Variants in POLH observed in about 807,000 individuals in gnomAD.
POLH encodes the protein DNA polymerase eta transcript.
POLH carries 53 observed loss-of-function variants against 73.6 expected under a neutral mutation model. That is an observed-to-expected ratio of 0.72 (90% CI 0.58 to 0.91). The LOEUF is 0.91. POLH is among the 40% of genes least tolerant of loss of function. The probability of loss-of-function intolerance (pLI) is 0.00; values close to 1 mark genes in which losing one functional copy is unlikely to be tolerated. For missense variants in POLH, 768 were observed against 865.4 expected, an observed-to-expected ratio of 0.89 and a Z score of 1.41; for synonymous variants, 292 against 308.5, an observed-to-expected ratio of 0.95 and a Z score of 0.56.
At chr6:43,578,412 C>T (rs1182030148) in intron 1 of POLH, 3 of 438,912 alleles carry the variant, frequency 6.8e-6, no homozygotes, top group Admixed American at 5.2e-5. Context: ...CAACAAAAAA[C>T]TCATGCCCAG....
At chr6:43,584,337 C>T (rs2127775246) in intron 3 of POLH, among the ~76,000 whole-genome samples, 1 of 152,240 alleles carries the variant, frequency 6.6e-6, no homozygotes, top group East Asian at 1.9e-4. Context: ...GGTAGAGTGG[C>T]ATACAGACCC....
In POLH at chr6:43,604,685, A is replaced by G. The variant is rs1377543277; in HGVS notation, c.955A>G (p.Ile319Val). The G allele has an allele frequency of 1.2e-6, 2 of 1,614,126 alleles. No homozygotes were observed. The highest frequency in any genetic ancestry group is 8.5e-7 in the Non-Finnish European group (1 of 1,179,964). ...TAAACCCAGGCAACTACCCAAAACC[A>G]TTGGCTGTAGTAAGAACTTCCCAGG... ...PVKPRQLPKT[I>V]GCSKNFPGKT... Residue 319 changes from isoleucine (I) to valine (V), a missense_variant, in exon 8 of 11, where the codon ATT becomes GTT. Ile to Val is a conservative substitution (Grantham distance 29). Transcript: ENST00000372236.
Position 43,610,619 on chromosome 6 carries a change from C to T in POLH, c.1140C>T (p.Ser380=), listed in dbSNP as rs764722506. The part of the protein sequence containing the change: ...IRVQGDKRLS[S]LRRCCALTRY... Reference sequence around the variant, plus strand: ...TACAAGGAGACAAACGCCTCAGCAGCCTGCGCCGCTGCTGTGCCCTTACCC... The same window carrying T: ...TACAAGGAGACAAACGCCTCAGCAGTCTGCGCCGCTGCTGTGCCCTTACCC... The change falls in exon 10 of 11, where the codon AGC becomes AGT. Residue 380 remains serine, a synonymous_variant. Transcript: ENST00000372236. 17 of 1,613,828 alleles carry T rather than the reference C, an allele frequency of 1.1e-5. No individual in the cohort carries two copies. The African/African-American group carries it at 1.7e-4, about 16-fold the overall frequency.
chr6:43,579,438 G>A (rs1460819496), intron 1 of POLH, among the ~76,000 whole-genome samples: 2 of 152,200 alleles, frequency 1.3e-5, no homozygotes, highest in Admixed American at 6.5e-5. Flanking sequence ...AGGCCCAAGA[G>A]GAGAGGGTTC....
Position 43,587,359 on chromosome 6 carries a change from T to C in POLH, c.360T>C (p.Asp120=), listed in dbSNP as rs1238339993. Residue 120 remains aspartate, a synonymous_variant, in exon 4 of 11, where the codon GAT becomes GAC. Transcript: ENST00000372236. ...ERASIDEAYV[D]LTSAVQERLQ... ...CCAGCATTGATGAGGCTTACGTAGATCTGACCAGTGCTGTACAAGAGAGAC... is the reference window on the plus strand; with the variant it reads ...CCAGCATTGATGAGGCTTACGTAGACCTGACCAGTGCTGTACAAGAGAGAC... The C allele has an allele frequency of 6.2e-7, 1 of 1,613,966 alleles. No individual in the cohort carries two copies. The highest frequency in any genetic ancestry group is 8.5e-7 in the Non-Finnish European group (1 of 1,179,896).
At chr6:43,600,784 T>C (rs1239487782) in intron 5 of POLH, among the ~76,000 whole-genome samples, 3 of 152,188 alleles carry the variant, frequency 2.0e-5, no homozygotes, top group African/African-American at 4.8e-5. Flanking sequence ...GATAATGATA[T>C]TGCGTCATGT....
At position 43,597,821 on chromosome 6, in the gene POLH, A is replaced by G. The variant is rs759369209; in HGVS notation, c.616A>G (p.Arg206Gly). 24 of 1,613,882 alleles carry G rather than the reference A, an allele frequency of 1.5e-5. No homozygotes were observed. The Admixed American group carries it at 3.0e-4, about 20-fold the overall frequency. The stretch of plus-strand genomic sequence containing the variant: ...GGAGGAAATGAGAGCAGCCATAGAG[A>G]GGGAGACTGGTTTTCAGTGTTCAGC... ...IVEEMRAAIE[R>G]ETGFQCSAGI... The change falls in exon 5 of 11, where the codon AGG becomes GGG. Residue 206 changes from arginine to glycine, a missense_variant. Arg to Gly is a moderately radical substitution (Grantham distance 125). Coordinates refer to ENST00000372236, the MANE Select transcript of POLH (RefSeq NM_006502.3).
At chr6:43,582,042 T>C (rs961694376) in intron 1 of POLH, among the ~76,000 whole-genome samples, 1 of 152,232 alleles carries the variant, frequency 6.6e-6, no homozygotes. Context: ...TAGAGCATTG[T>C]AGGTTTAGGA....
chr6:43,604,090 A>G (rs933883820), intron 7 of POLH, 79 bp downstream of exon 7: 1 of 1,124,458 alleles, frequency 8.9e-7, no homozygotes, highest in African/African-American at 1.5e-5. Context: ...ATCTAGTAAA[A>G]TCCAGACCTA....
At chr6:43,589,620 A>G (rs1171867352) in intron 4 of POLH, among the ~76,000 whole-genome samples, 2 of 150,846 alleles carry the variant, frequency 1.3e-5, no homozygotes, top group African/African-American at 2.4e-5. Flanking sequence ...ATCCTATCCT[A>G]ATTATTAGTT....
intron 3 of POLH, 39 bp downstream of exon 3, chr6:43,583,180 C>T (rs141572445): frequency 1.9e-6 from 3 of 1,580,228 alleles, no homozygotes; most frequent in Non-Finnish European, 1.7e-6. Flanking sequence ...ATAAAGGAGT[C>T]GAAAATAATA....
chr6:43,605,404 CAG>C, intron 9 of POLH, 85 bp downstream of exon 9: 1 of 639,522 alleles, frequency 1.6e-6, no homozygotes, highest in Non-Finnish European at 2.9e-6. Context: ...GGAACAAAGA[CAG>C]AAAAAAGTAT....
intron 5 of POLH, among the ~76,000 whole-genome samples, chr6:43,599,331 C>G (rs963241051): frequency 2.0e-5 from 3 of 152,076 alleles, no homozygotes; most frequent in Non-Finnish European, 4.4e-5. Flanking sequence ...GTGGAATTGC[C>G]TGGGTATTTT....
rs761707571 is a variant in POLH, at chr6:43,587,488, A to G, written c.489A>G (p.Lys163=). Reference sequence around the variant, plus strand: ...CAACGGCAGAAGAGACTGTTCAGAAAGGTACTTCCATAGCATCATACTGCT... The same window carrying G: ...CAACGGCAGAAGAGACTGTTCAGAAGGGTACTTCCATAGCATCATACTGCT... ...GPTTAEETVQ[K]EGMRKQGLFQ... is the part of the protein sequence containing the mutation. The change falls in exon 4 of 11, where the codon AAA becomes AAG. Residue 163 remains lysine, a splice_region_variant and synonymous_variant. Transcript: ENST00000372236. 2 of 1,606,444 alleles carry G rather than the reference A, an allele frequency of 1.2e-6. No individual in the cohort carries two copies. Among genetic ancestry groups the G allele is most frequent in the South Asian group, 1.1e-5 (1 of 90,950 alleles).
Position 43,614,714 on chromosome 6 carries a change from C to T in POLH, c.*157C>T, listed in dbSNP as rs1473835397. 1.9e-5 allele frequency: 12 copies of T among 647,818 alleles called. No homozygotes were observed. Among genetic ancestry groups the T allele is most frequent in the Non-Finnish European group, 3.1e-5 (12 of 385,514 alleles). The allele number at this position is 647,818 out of a possible 1,614,324, so 40.1% of individuals were successfully genotyped here. On this transcript the variant is annotated 3_prime_UTR_variant, in exon 11 of 11. Coordinates refer to ENST00000372236, the MANE Select transcript of POLH (RefSeq NM_006502.3). The stretch of plus-strand genomic sequence containing the variant: ...TAGGTGCTGAGTTACGGTCCCATCT[C>T]TTCACAGGCATGGATTCTAATCCCA...
chr6:43,577,071 C>T (rs112182775), intron 1 of POLH, among the ~76,000 whole-genome samples: 9 of 152,076 alleles, frequency 5.9e-5, no homozygotes, highest in Non-Finnish European at 1.0e-4. Flanking sequence ...CCCAGCTACT[C>T]GGGAGGCTGA....
chr6:43,614,691 G>A lies in POLH; in HGVS notation c.*134G>A. On this transcript the variant is annotated 3_prime_UTR_variant, in exon 11 of 11. Transcript: ENST00000372236. ...TTTAATACAAAAAATAATCCATTTA[G>A]GTGCTGAGTTACGGTCCCATCTCTT... 1.3e-6 allele frequency: 1 copy of A among 793,420 alleles called. No homozygotes were observed. The highest frequency in any genetic ancestry group is 2.0e-6 in the Non-Finnish European group (1 of 507,762). 49.1% of individuals were successfully genotyped at this position (793,420 alleles called of 1,614,324 possible).
chr6:43,581,094 A>C (rs1474994692), intron 1 of POLH, among the ~76,000 whole-genome samples: 12 of 132,840 alleles, frequency 9.0e-5, no homozygotes, highest in Admixed American at 4.3e-4. Flanking sequence ...CTCACTTCTC[A>C]GACGGGGCAG....
chr6:43,592,617 G>A (rs1561903001), intron 4 of POLH, among the ~76,000 whole-genome samples: 1 of 151,962 alleles, frequency 6.6e-6, no homozygotes, highest in Admixed American at 6.6e-5. Flanking sequence ...GGGTTTCACC[G>A]TGTTAGCCAG....
Sources: gnomAD v4.1 joint callset for allele counts (sites outside exome capture counted in the v4.1 genomes callset) on GRCh38, gnomAD v4.1.1 for gene constraint, MANE v1.5 for transcripts, NCBI Gene and HGNC (gene_info 2026-07-23, HGNC 2026-07-21) for gene names.